The following BTNL2 variants were observed in gnomAD, a reference collection of about 807,000 sequenced individuals.
BTNL2 encodes the protein butyrophilin-like protein 2.
Under a neutral mutation model 46.8 loss-of-function variants are expected in BTNL2, and 46 were observed. The ratio of observed to expected loss-of-function variants is 0.98; its 90% CI spans 0.78 to 1.26. The LOEUF is 1.26. Among genes scored for constraint, BTNL2 ranks in the 50% most tolerant of loss-of-function variants. The pLI is 0.00. For missense variants in BTNL2, 461 were observed against 592.6 expected (o/e 0.78, Z 2.31); for synonymous variants, 226 against 229.1 (o/e 0.99, Z 0.12).
In BTNL2 at chr6:32,400,747, A is replaced by AAAATAC. The variant is rs1227781670; in HGVS notation, c.730+1037_730+1038insGTATTT. 2.6e-4 allele frequency among the ~76,000 whole-genome samples: 34 copies of AAAATAC among 128,368 alleles called. 1 individual carries two copies. The highest frequency in any genetic ancestry group is 3.8e-3 in the Middle Eastern group (1 of 260). 84.2% of individuals were successfully genotyped at this position (128,368 alleles called of 152,430 possible). ...ACATGGTGAAACCCCGTCTCTACTAAAAAAAAAAAAAAAAAATTAGCTGGG... is the reference window on the plus strand; with the variant it reads ...ACATGGTGAAACCCCGTCTCTACTAAAAATACAAAAAAAAAAAAAAAATTAGCTGGG... On this transcript the variant is annotated intron_variant, in intron 4 of 7. Coordinates refer to ENST00000454136, the MANE Select transcript of BTNL2 (RefSeq NM_001304561.2).
At chr6:32,406,978 G>C in intron 1 of BTNL2, 67 bp downstream of exon 1, 1 of 1,473,074 alleles carries the variant, frequency 6.8e-7, no homozygotes, top group Non-Finnish European at 9.4e-7. Flanking sequence ...TGTTGTTCTC[G>C]ACCTTTGGAC....
At position 32,407,132 on chromosome 6, in the gene BTNL2, G is replaced by C. The variant is rs755047474; in HGVS notation, c.-9C>G. 5 of 1,612,344 alleles carry C rather than the reference G, an allele frequency of 3.1e-6. No homozygotes were observed. The highest frequency in any genetic ancestry group is 2.7e-5 in the African/African-American group (2 of 74,988). ...CCTGGAAAATCCACCATCCTCCCTG[G>C]AACAAAGACAAGGAAACGCTGTGCC... On this transcript the variant is annotated 5_prime_UTR_variant, in exon 1 of 8. Transcript: ENST00000454136.
At position 32,403,034 on chromosome 6, in the gene BTNL2, CT is replaced by C; in HGVS notation, c.609del (p.Ala204ProfsTer43). 6 of 1,612,898 alleles carry C rather than the reference CT, an allele frequency of 3.7e-6. No individual in the cohort carries two copies. Among genetic ancestry groups the C allele is most frequent in the Non-Finnish European group, 4.2e-6 (5 of 1,179,928 alleles). On this transcript the variant is annotated frameshift_variant, in exon 3 of 8. Coordinates refer to ENST00000454136, the MANE Select transcript of BTNL2 (RefSeq NM_001304561.2). LOFTEE classifies it high-confidence loss of function. ...GAGGCGTTCCTGACCACCAGGGTGG[CT>C]TCCGCATAGAACAGGCCATCTTTAT... Reference protein sequence around the residue: ...IQDKDGLFYAEATLVVRNASA... With the variant: ...IQDKDGLFYAXATLVVRNASA...
chr6:32,394,187 T>G lies in BTNL2; in HGVS notation c.1361-130A>C. The G allele has an allele frequency of 7.9e-7, 1 of 1,259,204 alleles. No homozygotes were observed. 78.0% of individuals were successfully genotyped at this position (1,259,204 alleles called of 1,614,324 possible). Reference sequence around the variant, plus strand: ...TTGGCCTCCCAGGAAGCAGTTGGCCTGCTCCTCCCTGCTCTGGAGATGCAG... The same window carrying G: ...TTGGCCTCCCAGGAAGCAGTTGGCCGGCTCCTCCCTGCTCTGGAGATGCAG... On this transcript the variant is annotated intron_variant, in intron 6 of 7. Coordinates refer to ENST00000454136, the MANE Select transcript of BTNL2 (RefSeq NM_001304561.2). This position sits in a 1 kb window ranked among gnomAD's most constrained non-coding sequence, Gnocchi z 4.6.
At chr6:32,400,748 A>AAATAC (rs1290472820) in intron 4 of BTNL2, among the ~76,000 whole-genome samples, 39 of 134,460 alleles carry the variant, frequency 2.9e-4, no homozygotes, top group East Asian at 6.7e-4. Flanking sequence ...TCTCTACTAA[A>AAATAC]AAAAAAAAAA....
In BTNL2 at chr6:32,393,356, AG is replaced by A. The variant is rs1239505855; in HGVS notation, c.*39del. On this transcript the variant is annotated 3_prime_UTR_variant, in exon 8 of 8. Transcript: ENST00000454136. The surrounding 1 kb of genome is among the most constrained non-coding windows in gnomAD (Gnocchi z 4.8). Reference sequence around the variant, plus strand: ...GTTCTGTTCAGAAGAAATCAGTCTCAGGTGAGCTGTGTTTGAAGCCAATGTC... The same window carrying A: ...GTTCTGTTCAGAAGAAATCAGTCTCAGTGAGCTGTGTTTGAAGCCAATGTC... 2.0e-5 allele frequency: 3 copies of A among 152,702 alleles called. No homozygotes were observed. Among genetic ancestry groups the A allele is most frequent in the Non-Finnish European group, 4.4e-5 (3 of 68,082 alleles). The allele number at this position is 152,702 out of a possible 1,614,324, so 9.5% of individuals were successfully genotyped here. A position where few individuals can be genotyped will look rare whatever the true frequency, so the allele number is the denominator to read the frequency against.
chr6:32,400,260 G>C (rs929314605), intron 4 of BTNL2, among the ~76,000 whole-genome samples: 8 of 152,160 alleles, frequency 5.3e-5, no homozygotes, highest in Non-Finnish European at 1.0e-4. Context: ...AGTAGACTCT[G>C]GTAGAGATTG....
At position 32,405,044 on chromosome 6, in the gene BTNL2, C is replaced by G; in HGVS notation, c.322G>C (p.Ala108Pro). Reference protein sequence around the residue: ...IENGIAKGNVALKIHNIQPSD... With the variant: ...IENGIAKGNVPLKIHNIQPSD... ...GGCTGGATGTTGTGTATCTTCAGTG[C>G]CACATTTCCCTTTGCAATGCCATTC... is the stretch of plus-strand genomic sequence containing the variant. The change falls in exon 2 of 8, where the codon GCA becomes CCA. Residue 108 changes from alanine (A) to proline (P), a missense_variant. By Grantham distance (27) the Ala-to-Pro change is conservative. Coordinates refer to ENST00000454136, the MANE Select transcript of BTNL2 (RefSeq NM_001304561.2). 2 of 1,613,068 alleles carry G rather than the reference C, an allele frequency of 1.2e-6. No individual in the cohort carries two copies. The highest frequency in any genetic ancestry group is 1.7e-6 in the Non-Finnish European group (2 of 1,180,034).
chr6:32,404,308 C>T (rs946544748), intron 2 of BTNL2, among the ~76,000 whole-genome samples: 1 of 152,124 alleles, frequency 6.6e-6, no homozygotes, highest in African/African-American at 2.4e-5. Flanking sequence ...AAGACAGATC[C>T]ATTCTTCAGT....
At chr6:32,401,547 C>A (rs1450909362) in intron 4 of BTNL2, among the ~76,000 whole-genome samples, 1 of 152,176 alleles carries the variant, frequency 6.6e-6, no homozygotes, top group Non-Finnish European at 1.5e-5. Context: ...CTATAGGTGT[C>A]CATCTGATGC....
chr6:32,398,279 T>C (rs1041250290), intron 4 of BTNL2, among the ~76,000 whole-genome samples: 1 of 152,132 alleles, frequency 6.6e-6, no homozygotes, highest in African/African-American at 2.4e-5. Flanking sequence ...CTGCATAGAG[T>C]CACTGGCCAA....
Position 32,395,013 on chromosome 6 carries a change from G to A in BTNL2, c.1091C>T (p.Ser364Phe). Residue 364 changes from serine (S) to phenylalanine (F), a missense_variant, in exon 6 of 8, where the codon TCC becomes TTC. By Grantham distance (155) the Ser-to-Phe change is radical. Transcript: ENST00000454136. ...LDLKVVSLGS[S>F]PLITVEGQED... ...TTGCCCCTCCACAGTGATCAGTGGGGAAGAACCCAGACCTGGGGCAGAGAA... is the reference window on the plus strand; with the variant it reads ...TTGCCCCTCCACAGTGATCAGTGGGAAAGAACCCAGACCTGGGGCAGAGAA... 2 of 1,584,332 alleles carry A rather than the reference G, an allele frequency of 1.3e-6. No individual in the cohort carries two copies. Among genetic ancestry groups the A allele is most frequent in the Non-Finnish European group, 1.7e-6 (2 of 1,162,142 alleles).
At chr6:32,404,841 T>C in intron 2 of BTNL2, 98 bp downstream of exon 2, 1 of 1,188,128 alleles carries the variant, frequency 8.4e-7, no homozygotes, top group Non-Finnish European at 1.2e-6. Flanking sequence ...AGGAATTACC[T>C]TGATGATTCA....
intron 1 of BTNL2, 135 bp downstream of exon 1, chr6:32,406,910 A>G: frequency 1.3e-6 from 1 of 757,816 alleles, no homozygotes; most frequent in Non-Finnish European, 2.2e-6. Context: ...GAGCTCCTCA[A>G]AAGTGAGGAG....
intron 2 of BTNL2, 75 bp from the exon 3 acceptor site, chr6:32,403,291 C>T (rs2150320293): frequency 4.7e-6 from 7 of 1,481,802 alleles, no homozygotes; most frequent in African/African-American, 1.4e-5. Context: ...ATCCCAGTGA[C>T]GTTGCTCACA....
chr6:32,405,225 C>CA lies in BTNL2; in HGVS notation c.140dup (p.Leu48ValfsTer38), dbSNP rs780426190. ...TCTTGGGGAGTAGCTGGCAGGTTAA[C>CA]AGGGCATCTTCCCCAACCCCGGCCA... is the stretch of plus-strand genomic sequence containing the variant. On this transcript the variant is annotated frameshift_variant, in exon 2 of 8. Transcript: ENST00000454136. LOFTEE classifies it high-confidence loss of function. The CA allele has an allele frequency of 1.2e-6, 2 of 1,613,066 alleles. No homozygotes were observed. The highest frequency in any genetic ancestry group is 1.1e-5 in the South Asian group (1 of 91,074).
chr6:32,398,102 T>C (rs1019825272), intron 4 of BTNL2, among the ~76,000 whole-genome samples: 6 of 152,242 alleles, frequency 3.9e-5, no homozygotes, highest in African/African-American at 1.2e-4. Flanking sequence ...CTGAGGGCTT[T>C]CCTGGGCCCA....
chr6:32,400,242 G>T (rs1255463512), intron 4 of BTNL2, among the ~76,000 whole-genome samples: 1 of 152,130 alleles, frequency 6.6e-6, no homozygotes, highest in African/African-American at 2.4e-5. Context: ...TGGGGTTGAA[G>T]GTGCCATAGT....
rs140760903 is a variant in BTNL2 at position 32,395,056 on chromosome 6, G to A, written c.1079-31C>T. 5.4e-3 allele frequency: 8,213 copies of A among 1,528,426 alleles called. 51 individuals are homozygous for A. The highest frequency in any genetic ancestry group is 0.015 in the African/African-American group (1,095 of 72,364). The allele number at this position is 1,528,426 out of a possible 1,614,324, so 94.7% of individuals were successfully genotyped here. On this transcript the variant is annotated intron_variant, in intron 5 of 7. Transcript: ENST00000454136. ...GCAGAGAAAGCAACCAAAGCCTGGG[G>A]TCCTTTCAAGTGGATGAGTGGGCAG...
Sources: allele counts gnomAD v4.1 joint callset (sites outside exome capture counted in the v4.1 genomes callset), GRCh38; gene constraint gnomAD v4.1.1; non-coding constraint Gnocchi (gnomAD v3.1); transcripts MANE v1.5; gene names NCBI Gene and HGNC (gene_info 2026-07-23, HGNC 2026-07-21).